Variants in CAMK2A observed in about 807,000 individuals in gnomAD.
CAMK2A encodes calcium/calmodulin-dependent protein kinase type II subunit alpha.
Under a neutral mutation model 79.2 loss-of-function variants are expected in CAMK2A, and 7 were observed. The observed-to-expected ratio is 0.09, with a 90% CI of 0.05 to 0.17. The LOEUF is 0.17. Among genes scored for constraint, CAMK2A ranks in the 10% least tolerant of loss-of-function variants. CAMK2A has a pLI of 1.00. For missense variants in CAMK2A, 214 were observed against 646.4 expected, an observed-to-expected ratio of 0.33 and a Z score of 7.25; for synonymous variants, 242 against 251.7, an observed-to-expected ratio of 0.96 and a Z score of 0.36.
intron 17 of CAMK2A, among the ~76,000 whole-genome samples, chr5:150,227,067 C>T (rs1244030115): frequency 3.9e-5 from 6 of 151,930 alleles, no homozygotes; most frequent in South Asian, 4.2e-4. Context: ...CCACCGCGCC[C>T]GGCTATAGAT....
rs1754471371 is a variant in CAMK2A at position 150,223,896 on chromosome 5, G to A, written c.1238-679C>T. ...TGAAACATATCTACAGTTCAGACAC[G>A]GCCCGTGGGCCTGTCTGAAGTATAT... On this transcript the variant is annotated intron_variant, in intron 17 of 18. Coordinates refer to ENST00000671881, the MANE Select transcript of CAMK2A (RefSeq NM_015981.4). The surrounding 1 kb of genome is among the most constrained non-coding windows in gnomAD (Gnocchi z 4.1). Among the ~76,000 whole-genome samples, 2 of 152,284 alleles carry A rather than the reference G, an allele frequency of 1.3e-5. No individual in the cohort carries two copies. Among genetic ancestry groups the A allele is most frequent in the African/African-American group, 2.4e-5 (1 of 41,542 alleles).
chr5:150,286,802 C>G (rs1350893037), intron 1 of CAMK2A, among the ~76,000 whole-genome samples: 2 of 152,180 alleles, frequency 1.3e-5, no homozygotes, highest in Non-Finnish European at 2.9e-5. Flanking sequence ...CAACTCCAGA[C>G]AAAAGGTACA....
chr5:150,224,098 G>C (rs1754481986), intron 17 of CAMK2A, among the ~76,000 whole-genome samples: 1 of 152,204 alleles, frequency 6.6e-6, no homozygotes, highest in Non-Finnish European at 1.5e-5. Flanking sequence ...TTGGAATCAT[G>C]ATGGGGCTGA....
intron 1 of CAMK2A, among the ~76,000 whole-genome samples, chr5:150,282,728 A>G (rs922267300): frequency 2.6e-5 from 4 of 152,256 alleles, no homozygotes; most frequent in African/African-American, 9.6e-5. Flanking sequence ...TGAGGGTACC[A>G]TGGCTCTAAA....
chr5:150,267,241 G>A (rs1046722239), intron 2 of CAMK2A, among the ~76,000 whole-genome samples: 5 of 151,948 alleles, frequency 3.3e-5, no homozygotes, highest in South Asian at 2.1e-4. Context: ...CCTGCTCCAC[G>A]TCCCATGCCC....
intron 14 of CAMK2A, among the ~76,000 whole-genome samples, chr5:150,239,042 G>A (rs536571583): frequency 1.3e-5 from 2 of 152,324 alleles, no homozygotes; most frequent in Non-Finnish European, 2.9e-5. Context: ...TGAAGAAGGG[G>A]TGTGGAGGAG....
chr5:150,221,749 C>CAA lies in CAMK2A; in HGVS notation c.*959_*960dup, dbSNP rs35164363. The CAA allele has an allele frequency of 4.4e-3, 1,379 of 315,500 alleles. No individual in the cohort carries two copies. Among genetic ancestry groups the CAA allele is most frequent in the South Asian group, 6.3e-3 (34 of 5,362 alleles). The allele number at this position is 315,500 out of a possible 1,614,324, so 19.5% of individuals were successfully genotyped here. A position where few individuals can be genotyped will look rare whatever the true frequency, so the allele number is the denominator to read the frequency against. ...GTGACAAGGTCCACCTCAGAGATGA[C>CAA]AAAAAAAAAAAAAAAAACTAGAACA... On this transcript the variant is annotated 3_prime_UTR_variant, in exon 19 of 19. Transcript: ENST00000671881.
chr5:150,225,761 T>A (rs1340734436), intron 17 of CAMK2A, among the ~76,000 whole-genome samples: 2 of 138,288 alleles, frequency 1.4e-5, no homozygotes, highest in Non-Finnish European at 3.2e-5. Context: ...TATTATTTTT[T>A]TTAGATGGAG....
chr5:150,257,498 T>A, intron 4 of CAMK2A, 65 bp downstream of exon 4: 1 of 1,377,564 alleles, frequency 7.3e-7, no homozygotes, highest in Non-Finnish European at 1.0e-6. Context: ...AGAGGTCCAG[T>A]GAGGCCATCA....
intron 17 of CAMK2A, among the ~76,000 whole-genome samples, chr5:150,224,164 TTATTA>T (rs553977350): frequency 7.0e-4 from 106 of 152,320 alleles, no homozygotes; most frequent in African/African-American, 2.5e-3. Flanking sequence ...TCCAGGACTA[TTATTA>T]TATTAATTCT....
chr5:150,279,004 G>A (rs1333845443), intron 1 of CAMK2A, among the ~76,000 whole-genome samples: 1 of 152,150 alleles, frequency 6.6e-6, no homozygotes, highest in Non-Finnish European at 1.5e-5. Context: ...GAGGACTTGG[G>A]CAAGAACCAG....
At chr5:150,222,912 T>TC in intron 18 of CAMK2A, 77 bp downstream of exon 18, 6 of 1,467,680 alleles carry the variant, frequency 4.1e-6, no homozygotes, top group Non-Finnish European at 5.7e-6. Context: ...GGCAGCAGCT[T>TC]CCCCGACGTA....
intron 14 of CAMK2A, 22 bp from the exon 15 acceptor site, chr5:150,238,770 A>C (rs983338150): frequency 1.3e-6 from 2 of 1,587,730 alleles, no homozygotes; most frequent in Non-Finnish European, 8.6e-7. Flanking sequence ...AATACAGGAG[A>C]TGGTGAGGCC....
intron 2 of CAMK2A, among the ~76,000 whole-genome samples, chr5:150,266,120 G>T (rs367793600): frequency 3.9e-5 from 6 of 152,100 alleles, no homozygotes; most frequent in African/African-American, 1.4e-4. Context: ...ATCTGCAGGG[G>T]CCCACCCAGA....
chr5:150,242,235 T>G (rs1409591338), intron 13 of CAMK2A, among the ~76,000 whole-genome samples: 1 of 152,220 alleles, frequency 6.6e-6, no homozygotes, highest in Non-Finnish European at 1.5e-5. Context: ...TATTGACCAG[T>G]ACTTTAGTTT....
At chr5:150,260,458 CAAAA>C (rs11374999) in intron 3 of CAMK2A, among the ~76,000 whole-genome samples, 1 of 115,470 alleles carries the variant, frequency 8.7e-6, no homozygotes, top group Non-Finnish European at 1.9e-5. Context: ...GAGTCCGTCT[CAAAA>C]AAAAAAAAAA....
At chr5:150,273,695 T>C (rs1431535891) in intron 1 of CAMK2A, among the ~76,000 whole-genome samples, 1 of 152,168 alleles carries the variant, frequency 6.6e-6, no homozygotes, top group African/African-American at 2.4e-5. Flanking sequence ...TTCTCCACCT[T>C]CCTTTTTTCA....
intron 17 of CAMK2A, among the ~76,000 whole-genome samples, chr5:150,224,792 C>G (rs1358722543): frequency 6.6e-6 from 1 of 152,020 alleles, no homozygotes; most frequent in Non-Finnish European, 1.5e-5. Flanking sequence ...CACAGATATG[C>G]AAACTCAGGT....
At chr5:150,241,493 TTCCTC>T (rs566722255) in intron 13 of CAMK2A, among the ~76,000 whole-genome samples, 154 of 133,898 alleles carry the variant, frequency 1.2e-3, no homozygotes, top group South Asian at 4.2e-3. Flanking sequence ...CTTCTCTTCC[TTCCTC>T]TCCTCTCCTC....
Sources: allele counts gnomAD v4.1 joint callset (sites outside exome capture counted in the v4.1 genomes callset), GRCh38; gene constraint gnomAD v4.1.1; non-coding constraint Gnocchi (gnomAD v3.1); transcripts MANE v1.5; gene names NCBI Gene and HGNC (gene_info 2026-07-23, HGNC 2026-07-21).